The following MSH4 variants were observed in gnomAD, a reference collection of about 807,000 sequenced individuals.
MSH4 encodes the protein mutS protein homolog 4.
Under a neutral mutation model 113.7 loss-of-function variants are expected in MSH4, and 106 were observed. The ratio of observed to expected loss-of-function variants is 0.93; its 90% CI spans 0.80 to 1.10. MSH4 has a LOEUF of 1.10. Among genes scored for constraint, MSH4 ranks in the 50% least tolerant of loss-of-function variants. MSH4 has a pLI of 0.00. For synonymous variants in MSH4, 368 were observed against 380.2 expected (o/e 0.97, Z 0.37); for missense variants, 1,061 against 1,093.7 (o/e 0.97, Z 0.42).
chr1:75,814,207 C>T (rs939349102), intron 4 of MSH4, among the ~76,000 whole-genome samples: 8 of 148,328 alleles, frequency 5.4e-5, no homozygotes, highest in Admixed American at 2.1e-4. Flanking sequence ...AATTCCAGCA[C>T]TTTGGGAGGC....
intron 8 of MSH4, among the ~76,000 whole-genome samples, chr1:75,859,191 T>C (rs1419461989): frequency 6.6e-6 from 1 of 152,230 alleles, no homozygotes; most frequent in African/African-American, 2.4e-5. Flanking sequence ...GCTATCTCTT[T>C]TGTTGATCTT....
chr1:75,878,377 C>T, intron 11 of MSH4, 59 bp downstream of exon 11: 5 of 1,362,536 alleles, frequency 3.7e-6, no homozygotes, highest in East Asian at 2.5e-5. Context: ...TCAGGACATG[C>T]TGTCCTTTTT....
chr1:75,890,101 G>A (rs1652216700), intron 16 of MSH4, among the ~76,000 whole-genome samples: 1 of 151,928 alleles, frequency 6.6e-6, no homozygotes, highest in Non-Finnish European at 1.5e-5. Flanking sequence ...TTACTATTGT[G>A]TCATAATATA....
Position 75,867,494 on chromosome 1 carries a change from T to G in MSH4, c.1231-20T>G. 1 of 1,412,156 alleles carries G rather than the reference T, an allele frequency of 7.1e-7. No individual in the cohort carries two copies. The highest frequency in any genetic ancestry group is 2.3e-5 in the East Asian group (1 of 43,676). The allele number at this position is 1,412,156 out of a possible 1,614,324, so 87.5% of individuals were successfully genotyped here. On this transcript the variant is annotated intron_variant, in intron 8 of 19. Transcript: ENST00000263187. Reference sequence around the variant, plus strand: ...AAATATTTATGGTGTCCATCCAAATTTGGGTTTTTATCTTAACAGGTCAAT... The same window carrying G: ...AAATATTTATGGTGTCCATCCAAATGTGGGTTTTTATCTTAACAGGTCAAT...
intron 3 of MSH4, among the ~76,000 whole-genome samples, chr1:75,810,334 C>T (rs1474181674): frequency 4.0e-5 from 6 of 151,304 alleles, no homozygotes; most frequent in African/African-American, 1.5e-4. Context: ...GCCCCCTGGG[C>T]TCAAACTATT....
chr1:75,882,940 G>A (rs941065341), intron 14 of MSH4, among the ~76,000 whole-genome samples: 1 of 152,094 alleles, frequency 6.6e-6, no homozygotes, highest in African/African-American at 2.4e-5. Context: ...ATGCAACTCT[G>A]TATTACCAGT....
intron 7 of MSH4, among the ~76,000 whole-genome samples, chr1:75,830,728 CA>C (rs1650664352): frequency 6.6e-6 from 1 of 152,104 alleles, no homozygotes; most frequent in Non-Finnish European, 1.5e-5. Flanking sequence ...TCCTTTAAGA[CA>C]AACAAATGCT....
intron 3 of MSH4, among the ~76,000 whole-genome samples, chr1:75,808,852 A>G (rs1167161055): frequency 1.3e-5 from 2 of 152,132 alleles, no homozygotes; most frequent in Admixed American, 6.5e-5. Flanking sequence ...CCACTCGCCT[A>G]TTGTCATGGG....
At chr1:75,882,663 T>TAAAAAAAAAAAA (rs35936506) in intron 14 of MSH4, among the ~76,000 whole-genome samples, 1 of 123,814 alleles carries the variant, frequency 8.1e-6, no homozygotes, top group Non-Finnish European at 1.6e-5. Context: ...ACCTCATTTC[T>TAAAAAAAAAAAA]AAAAAAAAAA....
At chr1:75,826,437 G>A (rs1650555481) in intron 7 of MSH4, among the ~76,000 whole-genome samples, 1 of 152,084 alleles carries the variant, frequency 6.6e-6, no homozygotes, top group Admixed American at 6.6e-5. Context: ...AGTTTTCGAA[G>A]GGTTTTTCAT....
chr1:75,818,463 T>C (rs1369009590), intron 6 of MSH4, among the ~76,000 whole-genome samples: 2 of 152,216 alleles, frequency 1.3e-5, no homozygotes, highest in African/African-American at 4.8e-5. Context: ...AAGTTACTTC[T>C]GTTGTAAAAT....
chr1:75,813,349 A>G (rs915078354), intron 4 of MSH4, among the ~76,000 whole-genome samples: 1 of 152,202 alleles, frequency 6.6e-6, no homozygotes, highest in Non-Finnish European at 1.5e-5. Flanking sequence ...CAAAGGCAAA[A>G]ACAACATAAT....
At chr1:75,812,952 A>C (rs1650220658) in intron 4 of MSH4, among the ~76,000 whole-genome samples, 1 of 152,136 alleles carries the variant, frequency 6.6e-6, no homozygotes, top group South Asian at 2.1e-4. Context: ...TTGGAGGCTT[A>C]GTTGAGAAGA....
chr1:75,826,406 A>T (rs1222918885), intron 7 of MSH4, among the ~76,000 whole-genome samples: 1 of 152,148 alleles, frequency 6.6e-6, no homozygotes, highest in Non-Finnish European at 1.5e-5. Flanking sequence ...CTTTTCAAAA[A>T]ACCAGCTCCC....
At chr1:75,811,849 T>C (rs780685033) in intron 4 of MSH4, among the ~76,000 whole-genome samples, 1 of 152,230 alleles carries the variant, frequency 6.6e-6, no homozygotes, top group Non-Finnish European at 1.5e-5. Flanking sequence ...TTCCTGTTCC[T>C]AATATATTCA....
chr1:75,863,893 A>G (rs1010334059), intron 8 of MSH4, among the ~76,000 whole-genome samples: 1 of 152,224 alleles, frequency 6.6e-6, no homozygotes, highest in Non-Finnish European at 1.5e-5. Context: ...ACAAAATAAA[A>G]ATGTAATGTT....
chr1:75,883,376 C>A (rs1651977771), intron 14 of MSH4, among the ~76,000 whole-genome samples: 1 of 151,672 alleles, frequency 6.6e-6, no homozygotes, highest in East Asian at 1.9e-4. Context: ...GAGCTCAGGA[C>A]AGTGGTAAAG....
intron 15 of MSH4, among the ~76,000 whole-genome samples, chr1:75,888,880 G>A (rs1215359405): frequency 6.7e-6 from 1 of 149,982 alleles, no homozygotes; most frequent in Non-Finnish European, 1.5e-5. Context: ...ACTTTGTACA[G>A]TAGGTAGGGC....
intron 8 of MSH4, among the ~76,000 whole-genome samples, chr1:75,861,248 C>T (rs1033746163): frequency 3.3e-5 from 5 of 152,192 alleles, no homozygotes; most frequent in Admixed American, 3.3e-4. Flanking sequence ...TACCGACCTT[C>T]TGAAGCCTAC....
Sources: allele counts gnomAD v4.1 joint callset (sites outside exome capture counted in the v4.1 genomes callset), GRCh38; gene constraint gnomAD v4.1.1; transcripts MANE v1.5; gene names NCBI Gene and HGNC (gene_info 2026-07-23, HGNC 2026-07-21).